CARD10: variants seen among roughly 807,000 people sequenced by gnomAD.
The protein encoded by CARD10 is caspase recruitment domain family member 10, also known as caspase recruitment domain-containing protein 10.
In CARD10, 49 loss-of-function variants were observed where a neutral mutation model predicts 114.6. The observed-to-expected ratio is 0.43, with a 90% CI of 0.34 to 0.54. The LOEUF (loss-of-function observed/expected upper bound fraction) is 0.54, where lower values mean the gene tolerates loss of function less well. Ranked by LOEUF, CARD10 falls within the 20% of genes least tolerant of loss-of-function variation. The pLI is 0.03. For synonymous variants in CARD10, 602 were observed against 593.2 expected (o/e 1.01, Z -0.21); for missense variants, 1,206 against 1,397.2 (o/e 0.86, Z 2.18).
intron 15 of CARD10, 66 bp downstream of exon 15, chr22:37,495,451 C>A (rs58000063): frequency 7.6e-7 from 1 of 1,323,226 alleles, no homozygotes; most frequent in South Asian, 1.3e-5. Context: ...AGAACAGAGC[C>A]TGCTAGCTCC....
At chr22:37,508,975 C>T in intron 4 of CARD10, 1 of 1,546,728 alleles carries the variant, frequency 6.5e-7, no homozygotes, top group Non-Finnish European at 8.7e-7. Context: ...AAACAAGCAC[C>T]AGGCACACAC....
chr22:37,502,961 G>T (rs111458784), intron 10 of CARD10, among the ~76,000 whole-genome samples: 63 of 152,348 alleles, frequency 4.1e-4, no homozygotes, highest in African/African-American at 1.4e-3. Flanking sequence ...CATCACAGCC[G>T]GGAACAGGAG....
intron 15 of CARD10, chr22:37,494,504 G>A (rs1601808131): frequency 7.2e-6 from 3 of 414,320 alleles, no homozygotes; most frequent in Non-Finnish European, 1.3e-5. Context: ...GAGACCAAGA[G>A]GAACCAAATG....
intron 9 of CARD10, 31 bp downstream of exon 9, chr22:37,504,155 G>T: frequency 6.9e-7 from 1 of 1,458,298 alleles, no homozygotes; most frequent in Non-Finnish European, 9.4e-7. Context: ...CCACCTCCCT[G>T]GGTGTCTACT....
intron 3 of CARD10, 45 bp downstream of exon 3, chr22:37,515,928 G>C (rs574318072): frequency 2.0e-5 from 30 of 1,465,800 alleles, no homozygotes; most frequent in African/African-American, 2.8e-5. Context: ...CATTGCAAAA[G>C]CTGCCCCTTC....
intron 5 of CARD10, 94 bp from the exon 6 acceptor site, chr22:37,508,048 A>T (rs1923475601): frequency 6.7e-7 from 1 of 1,483,030 alleles, no homozygotes; most frequent in Admixed American, 1.7e-5. Context: ...AGAGACGCTC[A>T]CCAACAGTCT....
chr22:37,492,940 C>T lies in CARD10; in HGVS notation c.2477-138G>A. The T allele has an allele frequency of 1.1e-6, 1 of 870,212 alleles. No individual in the cohort carries two copies. Among genetic ancestry groups the T allele is most frequent in the Non-Finnish European group, 1.7e-6 (1 of 573,202 alleles). The allele number at this position is 870,212 out of a possible 1,614,324, so 53.9% of individuals were successfully genotyped here. A position where few individuals can be genotyped will look rare whatever the true frequency, so the allele number is the denominator to read the frequency against. On this transcript the variant is annotated intron_variant, in intron 16 of 19. Coordinates refer to ENST00000251973, the MANE Select transcript of CARD10 (RefSeq NM_014550.4). This position sits in a 1 kb window ranked among gnomAD's most constrained non-coding sequence, Gnocchi z 5.7. ...CTCCTCCTACACATGCACACACACACACCCTTAGTAGGACCGACGGTGGCA... is the reference window on the plus strand; with the variant it reads ...CTCCTCCTACACATGCACACACACATACCCTTAGTAGGACCGACGGTGGCA...
At chr22:37,515,440 G>T (rs79051207) in intron 3 of CARD10, among the ~76,000 whole-genome samples, 1 of 151,810 alleles carries the variant, frequency 6.6e-6, no homozygotes, top group South Asian at 2.1e-4. Flanking sequence ...GCACGAGCCT[G>T]TAATCCCAGC....
intron 4 of CARD10, 55 bp downstream of exon 4, chr22:37,510,156 CT>C (rs1198147079): frequency 2.6e-5 from 39 of 1,497,218 alleles, no homozygotes; most frequent in Non-Finnish European, 3.5e-5. Flanking sequence ...CCAGTACCTG[CT>C]GCAGGCCCTC....
rs762897456 is a variant in CARD10 at position 37,516,152 on chromosome 22, G to A, written c.520C>T (p.Arg174Trp). ...TGAGCCTGCTGCTGGTCCCGCAGCC[G>A]CTGCTCCAGCCCTGCCCGCTCCTCC... ...LEEERAGLEQ[R>W]LRDQQQAQER... is the part of the protein sequence containing the mutation. The change falls in exon 3 of 20, where the codon CGG becomes TGG. Residue 174 changes from arginine (R) to tryptophan (W), a missense_variant. By Grantham distance (101) the Arg-to-Trp change is moderately radical. Transcript: ENST00000251973. 9 of 1,594,624 alleles carry A rather than the reference G, an allele frequency of 5.6e-6. No individual in the cohort carries two copies. Among genetic ancestry groups the A allele is most frequent in the South Asian group, 1.1e-5 (1 of 88,676 alleles).
chr22:37,508,888 A>T, intron 4 of CARD10: 1 of 1,272,374 alleles, frequency 7.9e-7, no homozygotes, highest in Non-Finnish European at 1.1e-6. Flanking sequence ...CCCTCCAGGG[A>T]GTATCTGGGG....
At chr22:37,498,775 G>A (rs552369431) in intron 11 of CARD10, among the ~76,000 whole-genome samples, 7 of 152,174 alleles carry the variant, frequency 4.6e-5, no homozygotes, top group African/African-American at 1.4e-4. Flanking sequence ...TGGAGCACAC[G>A]GTCCGCTCCA....
rs1485944619 is a variant in CARD10 at position 37,516,316 on chromosome 22, G to C, written c.374-18C>G. 1.0e-5 allele frequency: 16 copies of C among 1,550,922 alleles called. No homozygotes were observed. Among genetic ancestry groups the C allele is most frequent in the Non-Finnish European group, 1.4e-5 (16 of 1,146,586 alleles). On this transcript the variant is annotated intron_variant, in intron 2 of 19. Coordinates refer to ENST00000251973, the MANE Select transcript of CARD10 (RefSeq NM_014550.4). ...CTCCTCATCTGCCAGGACAGAACAG[G>C]GGACAGAATAGGCAGCTCAGGCAAG...
chr22:37,516,533 A>C (rs537724415), intron 2 of CARD10, among the ~76,000 whole-genome samples: 1 of 152,350 alleles, frequency 6.6e-6, no homozygotes, highest in African/African-American at 2.4e-5. Context: ...AAAATGAAAG[A>C]TGTAACAAAG....
intron 9 of CARD10, among the ~76,000 whole-genome samples, chr22:37,503,878 C>G (rs1923308309): frequency 6.6e-6 from 1 of 152,184 alleles, no homozygotes; most frequent in African/African-American, 2.4e-5. Flanking sequence ...TCTCCACGCC[C>G]CCTAGTCCTG....
chr22:37,493,693 C>A (rs1244695860), intron 16 of CARD10, among the ~76,000 whole-genome samples: 1 of 152,122 alleles, frequency 6.6e-6, no homozygotes, highest in Non-Finnish European at 1.5e-5. Flanking sequence ...CATCTGAGCT[C>A]CCCCAGCCCC....
In CARD10 at chr22:37,490,859, C is replaced by T. The variant is rs1601805817; in HGVS notation, c.*300G>A. ...TGCGCACAGGTGTGAGAACAGACTC[C>T]AGGGCGAGTGTTTAAGGAGAAGACA... On this transcript the variant is annotated 3_prime_UTR_variant, in exon 20 of 20. Transcript: ENST00000251973. 2 of 443,454 alleles carry T rather than the reference C, an allele frequency of 4.5e-6. No individual in the cohort carries two copies. The highest frequency in any genetic ancestry group is 8.1e-6 in the Non-Finnish European group (2 of 245,630). 27.5% of individuals were successfully genotyped at this position (443,454 alleles called of 1,614,324 possible). A position where few individuals can be genotyped will look rare whatever the true frequency, so the allele number is the denominator to read the frequency against.
rs79067096 is a variant in CARD10, at chr22:37,500,986, C to G, written c.1787+1616G>C. Among the ~76,000 whole-genome samples the G allele has an allele frequency of 3.8e-3, 579 of 152,206 alleles. 7 individuals are homozygous for G. Among genetic ancestry groups the G allele is most frequent in the African/African-American group, 0.014 (563 of 41,524 alleles). ...AGGCACTGGGAAATTCAGAGACATG[C>G]CCAAGGTCCCACAGTAGCAAGTGCT... is the stretch of plus-strand genomic sequence containing the variant. On this transcript the variant is annotated intron_variant, in intron 11 of 19. Coordinates refer to ENST00000251973, the MANE Select transcript of CARD10 (RefSeq NM_014550.4).
intron 9 of CARD10, chr22:37,503,911 T>C: frequency 1.7e-6 from 1 of 604,162 alleles, no homozygotes. Context: ...TCTCCTTGGG[T>C]ATAGGATCTT....
Sources: gnomAD v4.1 joint callset for allele counts (sites outside exome capture counted in the v4.1 genomes callset) on GRCh38, gnomAD v4.1.1 for gene constraint, Gnocchi (gnomAD v3.1) non-coding constraint, MANE v1.5 for transcripts, NCBI Gene and HGNC (gene_info 2026-07-23, HGNC 2026-07-21) for gene names.